The following ALDH1L2 variants were observed in gnomAD, a reference collection of about 807,000 sequenced individuals.
The protein encoded by ALDH1L2 is aldehyde dehydrogenase 1 family member L2.
Under a neutral mutation model 111.0 loss-of-function variants are expected in ALDH1L2, and 91 were observed. The observed-to-expected ratio is 0.82, with a 90% CI of 0.69 to 0.98. ALDH1L2 has a LOEUF of 0.98. Ranked by LOEUF, ALDH1L2 falls within the 50% of genes least tolerant of loss-of-function variation. The pLI is 0.00. For missense variants in ALDH1L2, 995 were observed against 1,126.8 expected (o/e 0.88, Z 1.67); for synonymous variants, 374 against 392.6 (o/e 0.95, Z 0.56).
chr12:105,034,562 T>C (rs1381384931), intron 18 of ALDH1L2, among the ~76,000 whole-genome samples, 164 bp from the exon 19 acceptor site: 1 of 152,220 alleles, frequency 6.6e-6, no homozygotes, highest in Non-Finnish European at 1.5e-5. Context: ...TTCTTGGAGA[T>C]ACTCTGTTTT....
intron 17 of ALDH1L2, among the ~76,000 whole-genome samples, chr12:105,038,658 G>A (rs534090094): frequency 9.2e-5 from 14 of 151,932 alleles, no homozygotes; most frequent in African/African-American, 2.4e-4. Flanking sequence ...GTGTTAGACC[G>A]TGTCTCTTAA....
chr12:105,046,221 A>T (rs10861320), intron 15 of ALDH1L2, among the ~76,000 whole-genome samples: 985 of 21,728 alleles, frequency 0.045, 9 homozygotes, highest in Non-Finnish European at 0.057. Flanking sequence ...ATATATATAT[A>T]TTTTTTTTTT....
intron 10 of ALDH1L2, among the ~76,000 whole-genome samples, chr12:105,056,889 A>C (rs1876660596): frequency 6.6e-6 from 1 of 151,570 alleles, no homozygotes; most frequent in Non-Finnish European, 1.5e-5. Context: ...ACAAGAAAGC[A>C]CAAGTGGCAA....
At chr12:105,046,213 ATATATATATTTTT>A (rs1352898233) in intron 15 of ALDH1L2, among the ~76,000 whole-genome samples, 135 of 43,362 alleles carry the variant, frequency 3.1e-3, no homozygotes, top group South Asian at 1.0e-2. Flanking sequence ...ATATATATAT[ATATATATATTTTT>A]TTTTTTTTTT....
Position 105,066,683 on chromosome 12 carries a change from C to T in ALDH1L2, c.595-14G>A. ...GACAGCTTCTACCTAAGGCCAAAGA[C>T]ATCACCTGTGTTACAGCCCAATGAT... On this transcript the variant is annotated splice_polypyrimidine_tract_variant and intron_variant, in intron 4 of 22. Coordinates refer to ENST00000258494, the MANE Select transcript of ALDH1L2 (RefSeq NM_001034173.4). 1.2e-6 allele frequency: 2 copies of T among 1,609,084 alleles called. No individual in the cohort carries two copies. The highest frequency in any genetic ancestry group is 8.5e-7 in the Non-Finnish European group (1 of 1,175,512).
chr12:105,065,370 A>C lies in ALDH1L2; in HGVS notation c.697-14T>G, dbSNP rs1442384921. 5.0e-6 allele frequency: 8 copies of C among 1,607,060 alleles called. No homozygotes were observed. The highest frequency in any genetic ancestry group is 1.7e-5 in the Admixed American group (1 of 59,908). ...GTCCCAAGAAATCTAGGAAGGCACA[A>C]AATACAGGCTGAGCCTCCTATGGCT... is the stretch of plus-strand genomic sequence containing the variant. On this transcript the variant is annotated splice_polypyrimidine_tract_variant and intron_variant, in intron 5 of 22. Transcript: ENST00000258494.
chr12:105,044,971 G>A (rs1875754524), intron 15 of ALDH1L2, among the ~76,000 whole-genome samples: 1 of 152,030 alleles, frequency 6.6e-6, no homozygotes, highest in South Asian at 2.1e-4. Flanking sequence ...TTTAACGTGA[G>A]CTCTACTCTC....
At chr12:105,061,788 G>A (rs764622432) in intron 7 of ALDH1L2, 36 bp from the exon 8 acceptor site, 1 of 1,612,892 alleles carries the variant, frequency 6.2e-7, no homozygotes, top group South Asian at 1.1e-5. Context: ...TAAAAATTGA[G>A]GATTGAGACA....
At chr12:105,025,550 TG>T (rs927814817) in intron 22 of ALDH1L2, among the ~76,000 whole-genome samples, 2 of 152,066 alleles carry the variant, frequency 1.3e-5, no homozygotes, top group African/African-American at 2.4e-5. Flanking sequence ...ATGGAAAAGT[TG>T]GGGGGGAAGC....
intron 21 of ALDH1L2, among the ~76,000 whole-genome samples, chr12:105,029,549 C>G (rs1360589018): frequency 6.6e-6 from 1 of 152,194 alleles, no homozygotes; most frequent in Non-Finnish European, 1.5e-5. Flanking sequence ...TTAACACCAC[C>G]ACCATGGGAG....
At chr12:105,027,241 A>G (rs918081820) in intron 21 of ALDH1L2, among the ~76,000 whole-genome samples, 1 of 152,238 alleles carries the variant, frequency 6.6e-6, no homozygotes, top group African/African-American at 2.4e-5. Flanking sequence ...AAATATTACT[A>G]GTATTACATT....
At chr12:105,029,733 C>T (rs1282416058) in intron 21 of ALDH1L2, among the ~76,000 whole-genome samples, 3 of 151,892 alleles carry the variant, frequency 2.0e-5, no homozygotes, top group Admixed American at 6.6e-5. Flanking sequence ...TAAAGCCATT[C>T]TGAAGAATTT....
intron 10 of ALDH1L2, among the ~76,000 whole-genome samples, chr12:105,054,672 C>T (rs770169756): frequency 2.6e-5 from 4 of 152,206 alleles, no homozygotes; most frequent in Non-Finnish European, 5.9e-5. Flanking sequence ...AAGCTCTACT[C>T]TCAGAGATTT....
chr12:105,056,618 T>C (rs1246650759), intron 10 of ALDH1L2, among the ~76,000 whole-genome samples: 1 of 151,858 alleles, frequency 6.6e-6, no homozygotes, highest in Non-Finnish European at 1.5e-5. Context: ...ATAATTCATA[T>C]GACAATAATG....
intron 21 of ALDH1L2, among the ~76,000 whole-genome samples, chr12:105,027,893 T>C (rs991422022): frequency 2.0e-5 from 3 of 152,192 alleles, no homozygotes; most frequent in Non-Finnish European, 4.4e-5. Context: ...TGGGATTACA[T>C]GTGCTTATTC....
intron 21 of ALDH1L2, among the ~76,000 whole-genome samples, chr12:105,029,505 A>G (rs1449022338): frequency 6.6e-6 from 1 of 152,160 alleles, no homozygotes; most frequent in African/African-American, 2.4e-5. Context: ...GTTACAGTAG[A>G]TTCCCTCAAA....
intron 19 of ALDH1L2, among the ~76,000 whole-genome samples, 157 bp from the exon 20 acceptor site, chr12:105,032,091 C>G (rs979042705): frequency 7.1e-6 from 1 of 140,148 alleles, no homozygotes; most frequent in African/African-American, 2.7e-5. Context: ...TTTTTTTTTC[C>G]TTTTTGGAGA....
At chr12:105,063,587 T>C (rs11112352) in intron 6 of ALDH1L2, among the ~76,000 whole-genome samples, 59,589 of 151,860 alleles carry the variant, frequency 0.39, 12,921 homozygotes, top group Middle Eastern at 0.61. Flanking sequence ...TGAGTATGCA[T>C]TTATCACATA....
Position 105,024,061 on chromosome 12 carries a change from A to G in ALDH1L2, c.*363T>C, listed in dbSNP as rs1003141958. On this transcript the variant is annotated 3_prime_UTR_variant, in exon 23 of 23. Coordinates refer to ENST00000258494, the MANE Select transcript of ALDH1L2 (RefSeq NM_001034173.4). ...TATAGTTCAGAGGTTAAAAACCTGTACATATTATACAAAGTTTCCAATAAA... is the reference window on the plus strand; with the variant it reads ...TATAGTTCAGAGGTTAAAAACCTGTGCATATTATACAAAGTTTCCAATAAA... 7.0e-6 allele frequency: 2 copies of G among 285,642 alleles called. No homozygotes were observed. Among genetic ancestry groups the G allele is most frequent in the African/African-American group, 2.2e-5 (1 of 45,628 alleles). 17.7% of individuals were successfully genotyped at this position (285,642 alleles called of 1,614,324 possible).
Sources: gnomAD v4.1 joint callset for allele counts (sites outside exome capture counted in the v4.1 genomes callset) on GRCh38, gnomAD v4.1.1 for gene constraint, MANE v1.5 for transcripts, NCBI Gene and HGNC (gene_info 2026-07-23, HGNC 2026-07-21) for gene names.